The following PLAUR variants were observed in gnomAD, a reference collection of about 807,000 sequenced individuals.
The protein encoded by PLAUR is plasminogen activator, urokinase receptor.
PLAUR carries 22 observed loss-of-function variants against 33.4 expected under a neutral mutation model. The ratio of observed to expected loss-of-function variants is 0.66; its 90% CI spans 0.47 to 0.94. The LOEUF (loss-of-function observed/expected upper bound fraction) is 0.94. PLAUR is among the 40% of genes least tolerant of loss of function. PLAUR has a pLI of 0.00. For missense variants in PLAUR, 408 were observed against 434.7 expected, an observed-to-expected ratio of 0.94 and a Z score of 0.55; for synonymous variants, 148 against 167.3, an observed-to-expected ratio of 0.88 and a Z score of 0.89.
downstream of PLAUR, among the ~76,000 whole-genome samples, chr19:43,646,716 T>C (rs1973830057): frequency 6.6e-6 from 1 of 151,422 alleles, no homozygotes; most frequent in African/African-American, 2.4e-5. Context: ...TGACAGGTGG[T>C]GATATGTCAT....
Position 43,667,494 on chromosome 19 carries a change from A to G in PLAUR, c.166+87T>C. 6.8e-6 allele frequency: 6 copies of G among 880,518 alleles called. No homozygotes were observed. The Admixed American group carries it at 1.1e-4, about 17-fold the overall frequency. 54.5% of individuals were successfully genotyped at this position (880,518 alleles called of 1,614,324 possible). A position where few individuals can be genotyped will look rare whatever the true frequency, so the allele number is the denominator to read the frequency against. On this transcript the variant is annotated intron_variant, in intron 2 of 6. Transcript: ENST00000340093. ...CCTTGTTTGTTTGTTTTTAGTTTGC[A>G]TGTCCCAGTTACTGGTGAGGAAGGT...
intron 3 of PLAUR, among the ~76,000 whole-genome samples, chr19:43,659,912 C>T (rs1433029961): frequency 6.6e-6 from 1 of 152,154 alleles, no homozygotes; most frequent in Non-Finnish European, 1.5e-5. Context: ...AAATGGATTC[C>T]AGGTGCTAAA....
At chr19:43,657,344 C>T (rs1262710911) in intron 3 of PLAUR, among the ~76,000 whole-genome samples, 1 of 152,130 alleles carries the variant, frequency 6.6e-6, no homozygotes, top group Non-Finnish European at 1.5e-5. Context: ...TTCCAAGATC[C>T]TCAGCATGGG....
At chr19:43,668,852 C>T (rs915235826) in intron 1 of PLAUR, among the ~76,000 whole-genome samples, 1 of 151,188 alleles carries the variant, frequency 6.6e-6, no homozygotes, top group Non-Finnish European at 1.5e-5. Flanking sequence ...CCGCTCCTAG[C>T]TCTTCCTCGG....
At chr19:43,654,746 C>A (rs1001200003) in intron 5 of PLAUR, among the ~76,000 whole-genome samples, 2 of 151,794 alleles carry the variant, frequency 1.3e-5, no homozygotes, top group South Asian at 2.1e-4. Context: ...CCATACCCCC[C>A]AAAAAATCAC....
At chr19:43,659,167 C>CTTTCTTTT (rs1555780398) in intron 3 of PLAUR, among the ~76,000 whole-genome samples, 1 of 97,138 alleles carries the variant, frequency 1.0e-5, no homozygotes, top group Non-Finnish European at 1.9e-5. Context: ...CTTTTCTTTT[C>CTTTCTTTT]TTTTTTTTTT....
intron 6 of PLAUR, chr19:43,651,981 G>A (rs1328178402): frequency 1.6e-6 from 2 of 1,233,838 alleles, no homozygotes; most frequent in African/African-American, 3.1e-5. Flanking sequence ...GCCTCCCAAA[G>A]TGCTGAGAGT....
intron 4 of PLAUR, 150 bp from the exon 5 acceptor site, chr19:43,655,723 C>T (rs1280492362): frequency 8.6e-6 from 6 of 697,240 alleles, no homozygotes; most frequent in Admixed American, 3.2e-5. Flanking sequence ...TAGATCTTGT[C>T]GAAAACTACA....
At chr19:43,668,495 C>T (rs1036620689) in intron 1 of PLAUR, among the ~76,000 whole-genome samples, 3 of 150,964 alleles carry the variant, frequency 2.0e-5, no homozygotes, top group African/African-American at 7.3e-5. Flanking sequence ...CTAACTTCGC[C>T]CTTTAGCTCT....
At chr19:43,658,896 A>T (rs1281935033) in intron 3 of PLAUR, among the ~76,000 whole-genome samples, 2 of 152,180 alleles carry the variant, frequency 1.3e-5, no homozygotes, top group Non-Finnish European at 2.9e-5. Flanking sequence ...ACCATTGCCA[A>T]CATAGCTGTT....
intron 2 of PLAUR, 90 bp downstream of exon 2, chr19:43,667,491 T>C (rs1390547908): frequency 8.1e-6 from 7 of 861,240 alleles, no homozygotes; most frequent in Non-Finnish European, 1.4e-5. Context: ...GTTTTTAGTT[T>C]GCATGTCCCA....
At chr19:43,668,751 C>T (rs1967387655) in intron 1 of PLAUR, among the ~76,000 whole-genome samples, 2 of 151,668 alleles carry the variant, frequency 1.3e-5, no homozygotes, top group African/African-American at 4.8e-5. Context: ...CTAGTCCCAC[C>T]TTCTAGCTCC....
At chr19:43,657,575 T>A (rs1328301601) in intron 3 of PLAUR, among the ~76,000 whole-genome samples, 1 of 152,140 alleles carries the variant, frequency 6.6e-6, no homozygotes, top group Non-Finnish European at 1.5e-5. Flanking sequence ...TCAGCTCTAA[T>A]TTCACCTCCT....
chr19:43,658,633 T>C (rs2146240925), intron 3 of PLAUR, among the ~76,000 whole-genome samples: 1 of 152,260 alleles, frequency 6.6e-6, no homozygotes, highest in South Asian at 2.1e-4. Context: ...ACCCAGCCCT[T>C]GGCTCACACC....
rs892176809 is a variant in PLAUR at position 43,652,513 on chromosome 19, G to A, written c.608-142C>T. On this transcript the variant is annotated intron_variant, in intron 5 of 6. Coordinates refer to ENST00000340093, the MANE Select transcript of PLAUR (RefSeq NM_002659.4). Reference sequence around the variant, plus strand: ...TGGTCAGGCGTCTGAATGGCATTTGGAGGGGGATGGTTTTCGAGGGCTTGA... The same window carrying A: ...TGGTCAGGCGTCTGAATGGCATTTGAAGGGGGATGGTTTTCGAGGGCTTGA... 15 of 770,010 alleles carry A rather than the reference G, an allele frequency of 1.9e-5. No homozygotes were observed. The African/African-American group carries it at 2.4e-4, about 13-fold the overall frequency. 47.7% of individuals were successfully genotyped at this position (770,010 alleles called of 1,614,324 possible).
chr19:43,646,433 T>G (rs1047160819), downstream of PLAUR: 1 of 717,876 alleles, frequency 1.4e-6, no homozygotes, highest in Non-Finnish European at 2.6e-6. Context: ...CTGAAACATC[T>G]GGGGCTCTAT....
In PLAUR at chr19:43,670,063, T is replaced by G. The variant is rs1453772398; in HGVS notation, c.55+3A>C. On this transcript the variant is annotated splice_donor_region_variant and intron_variant, in intron 1 of 6. Transcript: ENST00000340093. ...GCGCAGGCGTTCGGGACCCAGCCCC[T>G]ACCTGGGACGCAGGTGTGGAGCAGC... 6.2e-7 allele frequency: 1 copy of G among 1,613,246 alleles called. No individual in the cohort carries two copies. The highest frequency in any genetic ancestry group is 2.2e-5 in the East Asian group (1 of 44,830).
intron 6 of PLAUR, among the ~76,000 whole-genome samples, chr19:43,651,441 T>G (rs1362582277): frequency 1.3e-5 from 2 of 151,566 alleles, no homozygotes; most frequent in African/African-American, 4.8e-5. Context: ...TAAAGAGTTT[T>G]TTTTTTTTTT....
intron 3 of PLAUR, among the ~76,000 whole-genome samples, chr19:43,659,628 C>G (rs1410437541): frequency 1.3e-5 from 2 of 152,204 alleles, no homozygotes; most frequent in East Asian, 1.9e-4. Flanking sequence ...GGCTATACCT[C>G]AAACACCTGT....
Sources: gnomAD v4.1 joint callset for allele counts (sites outside exome capture counted in the v4.1 genomes callset) on GRCh38, gnomAD v4.1.1 for gene constraint, MANE v1.5 for transcripts, NCBI Gene and HGNC (gene_info 2026-07-23, HGNC 2026-07-21) for gene names.